UBOX5: variants seen among roughly 807,000 people sequenced by gnomAD.
UBOX5 encodes the protein RING finger protein 37.
In UBOX5, 28 loss-of-function variants were observed where a neutral mutation model predicts 39.0. The ratio of observed to expected loss-of-function variants is 0.72; its 90% CI spans 0.53 to 0.98. The LOEUF (loss-of-function observed/expected upper bound fraction) is 0.98, where lower values mean the gene tolerates loss of function less well. Ranked by LOEUF, UBOX5 falls within the 50% of genes least tolerant of loss-of-function variation. UBOX5 has a pLI of 0.00. For synonymous variants in UBOX5, 283 were observed against 275.5 expected, an observed-to-expected ratio of 1.03 and a Z score of -0.27; for missense variants, 585 against 674.4, an observed-to-expected ratio of 0.87 and a Z score of 1.47.
At chr20:3,147,791 C>CT (rs1231832128) in intron 1 of UBOX5, 3 of 1,614,202 alleles carry the variant, frequency 1.9e-6, no homozygotes, top group Middle Eastern at 1.6e-4. Context: ...AACATCTTTA[C>CT]TTCGACAGTG....
rs747564436 is a variant in UBOX5 at position 3,148,246 on chromosome 20, A to C, written c.-42+11520T>G. On this transcript the variant is annotated intron_variant, in intron 1 of 4. Coordinates refer to ENST00000217173, the MANE Select transcript of UBOX5 (RefSeq NM_014948.4). ...AGTGAACTAGCTGAGACAAGGATAG[A>C]TCCTTCCAGTGCAAATTAAGATAAC... 10 of 1,613,512 alleles carry C rather than the reference A, an allele frequency of 6.2e-6. No homozygotes were observed. The highest frequency in any genetic ancestry group is 3.3e-4 in the Middle Eastern group (2 of 6,060).
chr20:3,132,693 G>A (rs1470912016), intron 1 of UBOX5, among the ~76,000 whole-genome samples: 2 of 151,906 alleles, frequency 1.3e-5, no homozygotes, highest in South Asian at 2.1e-4. Context: ...GGTGGCAGGT[G>A]CCTGTAATCC....
At position 3,135,148 on chromosome 20, in the gene UBOX5, T is replaced by A. The variant is rs181368095; in HGVS notation, c.-41-11742A>T. 2.9e-3 allele frequency among the ~76,000 whole-genome samples: 441 copies of A among 152,156 alleles called. 3 individuals are homozygous for A. Among genetic ancestry groups the A allele is most frequent in the African/African-American group, 9.5e-3 (393 of 41,516 alleles). Reference sequence around the variant, plus strand: ...TCTTATTGTGACTTGATAAAAAAAATTTTTTTAAAAAAACGTTGGTCAAAA... The same window carrying A: ...TCTTATTGTGACTTGATAAAAAAAAATTTTTTAAAAAAACGTTGGTCAAAA... On this transcript the variant is annotated intron_variant, in intron 1 of 4. Coordinates refer to ENST00000217173, the MANE Select transcript of UBOX5 (RefSeq NM_014948.4).
At chr20:3,146,621 AAC>A (rs977656196) in intron 1 of UBOX5, 2 of 787,108 alleles carry the variant, frequency 2.5e-6, no homozygotes, top group Admixed American at 5.0e-5. Flanking sequence ...AATTCACAGT[AAC>A]ATACACTAGC....
At chr20:3,123,682 AG>A (rs2066355483) in intron 1 of UBOX5, among the ~76,000 whole-genome samples, 1 of 152,224 alleles carries the variant, frequency 6.6e-6, no homozygotes, top group Non-Finnish European at 1.5e-5. Context: ...AATGGAGGCA[AG>A]GCCCATCAGC....
At chr20:3,110,661 ACT>A in intron 4 of UBOX5, 1 of 323,810 alleles carries the variant, frequency 3.1e-6, no homozygotes, top group Non-Finnish European at 5.9e-6. Flanking sequence ...GGCACAGCTC[ACT>A]CTGACAAGAT....
chr20:3,111,712 C>T (rs1409613892), intron 4 of UBOX5: 1 of 152,626 alleles, frequency 6.6e-6, no homozygotes, highest in East Asian at 1.9e-4. Context: ...TTGCCCCTTT[C>T]CTGTGCTTTC....
chr20:3,115,316 C>T lies in UBOX5; in HGVS notation c.1406G>A (p.Gly469Asp), dbSNP rs1366027536. 2.5e-6 allele frequency: 4 copies of T among 1,611,066 alleles called. No individual in the cohort carries two copies. Among genetic ancestry groups the T allele is most frequent in the Non-Finnish European group, 3.4e-6 (4 of 1,178,692 alleles). ...TRGSNTSWRP[G>D]TGSEQPGSIL... is the part of the protein sequence containing the mutation. ...GGGGCCCATGTTACCCGAGCCGGTGCCAGGCCTCCAGGAAGTGTTGCTCCC... is the reference window on the plus strand; with the variant it reads ...GGGGCCCATGTTACCCGAGCCGGTGTCAGGCCTCCAGGAAGTGTTGCTCCC... The change falls in exon 4 of 5, where the codon GGC becomes GAC. Residue 469 changes from glycine to aspartate, a missense_variant. Transcript: ENST00000217173.
chr20:3,151,376 A>G (rs1198552187), intron 1 of UBOX5, among the ~76,000 whole-genome samples: 3 of 152,234 alleles, frequency 2.0e-5, no homozygotes, highest in Non-Finnish European at 4.4e-5. Context: ...CTGCTACAAG[A>G]GCAGAACTGT....
At chr20:3,112,009 C>T (rs2066257419) in intron 4 of UBOX5, among the ~76,000 whole-genome samples, 1 of 151,998 alleles carries the variant, frequency 6.6e-6, no homozygotes. Flanking sequence ...AAAGAGTGGC[C>T]TGGCTGCGGG....
intron 1 of UBOX5, among the ~76,000 whole-genome samples, chr20:3,131,957 G>A (rs900339909): frequency 1.4e-5 from 2 of 138,514 alleles, no homozygotes; most frequent in Non-Finnish European, 3.0e-5. Context: ...GCACTGAGCC[G>A]AGATCGAGCC....
At chr20:3,118,903 C>T (rs1005289293) in intron 3 of UBOX5, among the ~76,000 whole-genome samples, 6 of 152,078 alleles carry the variant, frequency 3.9e-5, no homozygotes, top group Admixed American at 2.0e-4. Context: ...CACACCACTG[C>T]ACTCTACCCT....
At position 3,118,437 on chromosome 20, in the gene UBOX5, A is replaced by T. The variant is rs576371947; in HGVS notation, c.1255+2947T>A. 3.3e-5 allele frequency among the ~76,000 whole-genome samples: 5 copies of T among 151,760 alleles called. No homozygotes were observed. In the East Asian group the frequency reaches 9.7e-4, roughly 29 times the overall value. ...CAGTGAGCCAAGATTGTGCTATTGC[A>T]CTCCAGCCTGGGTGACAGAGTGAGA... On this transcript the variant is annotated intron_variant, in intron 3 of 4. Coordinates refer to ENST00000217173, the MANE Select transcript of UBOX5 (RefSeq NM_014948.4).
At chr20:3,153,570 A>T (rs918942773) in intron 1 of UBOX5, among the ~76,000 whole-genome samples, 4 of 152,206 alleles carry the variant, frequency 2.6e-5, no homozygotes, top group Admixed American at 2.6e-4. Flanking sequence ...TGTACTAGAG[A>T]GACAAGAATG....
intron 1 of UBOX5, chr20:3,148,677 C>A: frequency 6.2e-7 from 1 of 1,614,166 alleles, no homozygotes. Flanking sequence ...GTCTCAGATG[C>A]ATTATAGCTG....
At chr20:3,140,139 A>G (rs1409218012) in intron 1 of UBOX5, among the ~76,000 whole-genome samples, 1 of 145,856 alleles carries the variant, frequency 6.9e-6, no homozygotes, top group Non-Finnish European at 1.5e-5. Context: ...GTCCTGTCTC[A>G]GCCTCCTGAG....
In UBOX5 at chr20:3,149,552, G is replaced by T. The variant is rs369842299; in HGVS notation, c.-42+10214C>A. Among the ~76,000 whole-genome samples, 2 of 152,156 alleles carry T rather than the reference G, an allele frequency of 1.3e-5. No homozygotes were observed. Among genetic ancestry groups the T allele is most frequent in the African/African-American group, 4.8e-5 (2 of 41,442 alleles). On this transcript the variant is annotated intron_variant, in intron 1 of 4. Coordinates refer to ENST00000217173, the MANE Select transcript of UBOX5 (RefSeq NM_014948.4). The surrounding 1 kb of genome is among the most constrained non-coding windows in gnomAD (Gnocchi z 4.1). Reference sequence around the variant, plus strand: ...ACGGCTAAAGAAGAGACGGTGCTCCGCTAACATTTGATAGGAAGAAGGAAG... The same window carrying T: ...ACGGCTAAAGAAGAGACGGTGCTCCTCTAACATTTGATAGGAAGAAGGAAG...
At chr20:3,112,121 C>G (rs2422846) in intron 4 of UBOX5, among the ~76,000 whole-genome samples, 1 of 147,746 alleles carries the variant, frequency 6.8e-6, no homozygotes, top group Admixed American at 6.9e-5. Context: ...TGAACCTCTA[C>G]AGGGAAGGGA....
intron 1 of UBOX5, chr20:3,146,927 A>G (rs1268583959): frequency 6.2e-7 from 1 of 1,614,158 alleles, no homozygotes; most frequent in Non-Finnish European, 8.5e-7. Flanking sequence ...GTGCAGTCCA[A>G]GGAGATCCCT....
Sources: gnomAD v4.1 joint callset for allele counts (sites outside exome capture counted in the v4.1 genomes callset) on GRCh38, gnomAD v4.1.1 for gene constraint, Gnocchi (gnomAD v3.1) non-coding constraint, MANE v1.5 for transcripts, NCBI Gene and HGNC (gene_info 2026-07-23, HGNC 2026-07-21) for gene names.